CYFIP2: variants seen among roughly 807,000 people sequenced by gnomAD.
CYFIP2 encodes cytoplasmic FMR1 interacting protein 2, also known as cytoplasmic FMR1-interacting protein 2.
CYFIP2 carries 29 observed loss-of-function variants against 158.7 expected under a neutral mutation model. That is an observed-to-expected ratio of 0.18 (90% confidence interval 0.14 to 0.25). CYFIP2 has a LOEUF of 0.25. Among genes scored for constraint, CYFIP2 ranks in the 10% least tolerant of loss-of-function variants. The probability of loss-of-function intolerance (pLI) is 1.00; values close to 1 mark genes in which losing one functional copy is unlikely to be tolerated. For synonymous variants in CYFIP2, 585 were observed against 617.6 expected (o/e 0.95, Z 0.78); for missense variants, 852 against 1,639.5 (o/e 0.52, Z 8.29).
chr5:157,380,566 G>A (rs1765950146), intron 26 of CYFIP2, among the ~76,000 whole-genome samples: 1 of 152,166 alleles, frequency 6.6e-6, no homozygotes, highest in Non-Finnish European at 1.5e-5. Context: ...CCCATCTTTT[G>A]AGGTCAACAT....
At chr5:157,297,496 A>G (rs1173025842) in intron 5 of CYFIP2, among the ~76,000 whole-genome samples, 9 of 152,232 alleles carry the variant, frequency 5.9e-5, no homozygotes, top group Non-Finnish European at 2.9e-5. Flanking sequence ...TAAAGAGCCA[A>G]GTAGGACCCT....
intron 1 of CYFIP2, among the ~76,000 whole-genome samples, chr5:157,274,241 A>C (rs1273097233): frequency 6.6e-6 from 1 of 151,922 alleles, no homozygotes; most frequent in Non-Finnish European, 1.5e-5. Context: ...AAGAAATCTC[A>C]TGGCCTTTAG....
chr5:157,371,877 A>G (rs1471740732), intron 26 of CYFIP2, among the ~76,000 whole-genome samples: 2 of 152,238 alleles, frequency 1.3e-5, no homozygotes, highest in African/African-American at 4.8e-5. Flanking sequence ...TACAGTAGAC[A>G]GACTGTGGTT....
Position 157,311,847 on chromosome 5 carries a change from AG to A in CYFIP2, c.1110+68del. 1.4e-6 allele frequency: 2 copies of A among 1,426,892 alleles called. No homozygotes were observed. Among genetic ancestry groups the A allele is most frequent in the Non-Finnish European group, 1.9e-6 (2 of 1,035,792 alleles). 88.4% of individuals were successfully genotyped at this position (1,426,892 alleles called of 1,614,324 possible). A position where few individuals can be genotyped will look rare whatever the true frequency, so the allele number is the denominator to read the frequency against. Reference sequence around the variant, plus strand: ...GGGCCAGAAGGGGTAAGGAGCAGCCAGGAAAGAACATGGACCCACGGAACAC... The same window carrying A: ...GGGCCAGAAGGGGTAAGGAGCAGCCAGAAAGAACATGGACCCACGGAACAC... On this transcript the variant is annotated intron_variant, in intron 11 of 30. Coordinates refer to ENST00000620254, the MANE Select transcript of CYFIP2 (RefSeq NM_001037333.3). This position sits in a 1 kb window ranked among gnomAD's most constrained non-coding sequence, Gnocchi z 4.7.
At chr5:157,319,371 G>A (rs1371307692) in intron 13 of CYFIP2, among the ~76,000 whole-genome samples, 2 of 152,230 alleles carry the variant, frequency 1.3e-5, no homozygotes, top group Non-Finnish European at 2.9e-5. Context: ...TTGTCTGTGA[G>A]TGCCTGGTCT....
chr5:157,300,118 C>G (rs1181746540), intron 5 of CYFIP2, among the ~76,000 whole-genome samples: 2 of 152,158 alleles, frequency 1.3e-5, no homozygotes, highest in African/African-American at 4.8e-5. Flanking sequence ...TCGACTGGTA[C>G]CTGACACTGT....
intron 23 of CYFIP2, among the ~76,000 whole-genome samples, chr5:157,351,548 CCTT>C (rs1763073607): frequency 2.6e-5 from 4 of 152,184 alleles, no homozygotes; most frequent in Admixed American, 2.6e-4. Context: ...TTGAGATCGG[CCTT>C]CTTATCACCA....
At chr5:157,364,117 A>G (rs531504036) in intron 26 of CYFIP2, 3 of 147,062 alleles carry the variant, frequency 2.0e-5, no homozygotes, top group East Asian at 2.1e-4. Context: ...TGCTATAGCA[A>G]CGTAGCCCTC....
chr5:157,317,808 C>G (rs147704608), intron 13 of CYFIP2, among the ~76,000 whole-genome samples: 67 of 152,302 alleles, frequency 4.4e-4, no homozygotes, highest in African/African-American at 1.3e-3. Context: ...ATGTAAAACT[C>G]CTTACAAAAT....
rs60954795 is a variant in CYFIP2, at chr5:157,370,647, T to C, written c.3039+9049T>C. On this transcript the variant is annotated intron_variant, in intron 26 of 30. Transcript: ENST00000620254. ...CTGAAAAAGGAAAGAACTTGCTCAC[T>C]GTGTGGCTCACTATGATTAAATCAC... 7.6e-3 allele frequency among the ~76,000 whole-genome samples: 1,161 copies of C among 152,342 alleles called. 21 individuals carry two copies. Among genetic ancestry groups the C allele is most frequent in the African/African-American group, 0.027 (1,105 of 41,568 alleles).
At chr5:157,368,483 GCCCAGGCA>G (rs2113420489) in intron 26 of CYFIP2, among the ~76,000 whole-genome samples, 1 of 152,214 alleles carries the variant, frequency 6.6e-6, no homozygotes, top group South Asian at 2.1e-4. Context: ...CTGTCCCTTT[GCCCAGGCA>G]CCCACAAGTA....
chr5:157,267,622 G>A (rs998246281), intron 1 of CYFIP2, among the ~76,000 whole-genome samples: 1 of 152,212 alleles, frequency 6.6e-6, no homozygotes, highest in African/African-American at 2.4e-5. Flanking sequence ...GCCAATGATT[G>A]TGTTTATCTT....
chr5:157,311,392 TG>T lies in CYFIP2; in HGVS notation c.993-270del, dbSNP rs1759708885. On this transcript the variant is annotated intron_variant, in intron 10 of 30. Transcript: ENST00000620254. This position sits in a 1 kb window ranked among gnomAD's most constrained non-coding sequence, Gnocchi z 4.7. ...TGTGTTCCCGCCCCTCTCATATTAC[TG>T]GTAAGTATTATGGACCAGGTATCTG... 2 of 486,300 alleles carry T rather than the reference TG, an allele frequency of 4.1e-6. No homozygotes were observed. The highest frequency in any genetic ancestry group is 1.9e-5 in the African/African-American group (1 of 51,374). 30.1% of individuals were successfully genotyped at this position (486,300 alleles called of 1,614,324 possible).
chr5:157,275,528 A>G (rs1006879119), intron 1 of CYFIP2, among the ~76,000 whole-genome samples: 1 of 152,170 alleles, frequency 6.6e-6, no homozygotes, highest in Non-Finnish European at 1.5e-5. Flanking sequence ...ACACCACACA[A>G]TTTTGATTAC....
intron 26 of CYFIP2, chr5:157,376,772 T>C (rs1765519309): frequency 4.9e-6 from 2 of 404,674 alleles, no homozygotes; most frequent in South Asian, 1.8e-5. Flanking sequence ...ACTTGCACAG[T>C]TCCTTTCCCC....
chr5:157,368,670 C>CA (rs55778000), intron 26 of CYFIP2, among the ~76,000 whole-genome samples: 80,457 of 151,762 alleles, frequency 0.53, 22,176 homozygotes, highest in African/African-American at 0.62. Context: ...ATCTGAAAAA[C>CA]AACCTGCTAG....
rs1482377326 is a variant in CYFIP2 at position 157,326,219 on chromosome 5, T to A, written c.2031T>A (p.Ala677=). The change falls in exon 18 of 31, where the codon GCT becomes GCA. Residue 677 remains alanine (A), a synonymous_variant. Transcript: ENST00000620254. ...LDLYNDSAYY[A]LTKFKKQFLY... is the part of the protein sequence containing the mutation. ...TGTACAACGACAGCGCCTACTATGC[T>A]CTGACCAAGTTTAAAAAGCAGTTCC... 1 of 1,613,890 alleles carries A rather than the reference T, an allele frequency of 6.2e-7. No individual in the cohort carries two copies. The highest frequency in any genetic ancestry group is 1.3e-5 in the African/African-American group (1 of 74,926).
At chr5:157,342,794 A>G in intron 23 of CYFIP2, 1 of 1,469,682 alleles carries the variant, frequency 6.8e-7, no homozygotes, top group South Asian at 1.3e-5. Flanking sequence ...CTATAGACAC[A>G]TTTGTACAAA....
intron 26 of CYFIP2, among the ~76,000 whole-genome samples, chr5:157,373,897 C>A (rs4704859): frequency 0.71 from 107,359 of 152,064 alleles, 38,206 homozygotes; most frequent in East Asian, 0.88. Context: ...GAACATAAAG[C>A]TAGCCAATAA....
Sources: gnomAD v4.1 joint callset for allele counts (sites outside exome capture counted in the v4.1 genomes callset) on GRCh38, gnomAD v4.1.1 for gene constraint, Gnocchi (gnomAD v3.1) non-coding constraint, MANE v1.5 for transcripts, NCBI Gene and HGNC (gene_info 2026-07-23, HGNC 2026-07-21) for gene names.